The following KIF21B variants were observed in gnomAD, a reference collection of about 807,000 sequenced individuals.
The protein encoded by KIF21B is kinesin family member 21B.
KIF21B carries 85 observed loss-of-function variants against 192.9 expected under a neutral mutation model. The ratio of observed to expected loss-of-function variants is 0.44; its 90% CI spans 0.37 to 0.53. The LOEUF is 0.53. Among genes scored for constraint, KIF21B ranks in the 20% least tolerant of loss-of-function variants. The pLI, the probability that KIF21B is intolerant of heterozygous loss-of-function variation, is 0.00. For missense variants in KIF21B, 1,716 were observed against 2,194.8 expected (o/e 0.78, Z 4.36); for synonymous variants, 832 against 884.6 (o/e 0.94, Z 1.05).
At chr1:201,020,581 C>T (rs1658760828) in intron 1 of KIF21B, among the ~76,000 whole-genome samples, 1 of 152,170 alleles carries the variant, frequency 6.6e-6, no homozygotes, top group African/African-American at 2.4e-5. Context: ...GCTGGGGAGG[C>T]CACAAGGTGG....
intron 1 of KIF21B, among the ~76,000 whole-genome samples, chr1:201,019,444 G>GCAAT (rs554557730): frequency 2.0e-3 from 309 of 152,214 alleles, no homozygotes; most frequent in Non-Finnish European, 3.7e-3. Context: ...CCATGACGAA[G>GCAAT]CCAGTGGATG....
intron 15 of KIF21B, among the ~76,000 whole-genome samples, chr1:200,994,052 G>A (rs1408732218): frequency 6.6e-6 from 1 of 152,154 alleles, no homozygotes; most frequent in African/African-American, 2.4e-5. Flanking sequence ...TGTCTTCCGG[G>A]GTCAGGGGCT....
chr1:200,988,494 T>G lies in KIF21B; in HGVS notation c.3349A>C (p.Ser1117Arg), dbSNP rs765567729. Residue 1117 changes from serine (S) to arginine (R), a missense_variant and splice_region_variant, in exon 23 of 35, where the codon AGC becomes CGC. Coordinates refer to ENST00000461742, the MANE Select transcript of KIF21B (RefSeq NM_001252102.2). Reference sequence around the variant, plus strand: ...CTCACTCCCAGCTTGCAAACTCACCTGCCCTCAGAGAACTCTGAGATCTCC... The same window carrying G: ...CTCACTCCCAGCTTGCAAACTCACCGGCCCTCAGAGAACTCTGAGATCTCC... ...DEEISEFSEG[S>R]FSQSFTMKGS... is the part of the protein sequence containing the mutation. The G allele has an allele frequency of 9.0e-6, 13 of 1,437,334 alleles. No homozygotes were observed. Among genetic ancestry groups the G allele is most frequent in the Non-Finnish European group, 1.2e-5 (13 of 1,061,152 alleles). The allele number at this position is 1,437,334 out of a possible 1,614,324, so 89.0% of individuals were successfully genotyped here. A position where few individuals can be genotyped will look rare whatever the true frequency, so the allele number is the denominator to read the frequency against.
intron 23 of KIF21B, 45 bp from the exon 24 acceptor site, chr1:200,988,398 A>C: frequency 6.2e-7 from 1 of 1,612,538 alleles, no homozygotes; most frequent in Non-Finnish European, 8.5e-7. Context: ...GGAGCCCCCA[A>C]ATTCAGGCTC....
At chr1:201,005,809 C>G in intron 3 of KIF21B, 115 bp from the exon 4 acceptor site, 1 of 1,160,140 alleles carries the variant, frequency 8.6e-7, no homozygotes, top group South Asian at 1.4e-5. Context: ...GCTGTGGGTC[C>G]CCTCTGGGTT....
chr1:200,999,340 C>CCCA lies in KIF21B; in HGVS notation c.1885+6_1885+8dup. The CCCA allele has an allele frequency of 6.2e-7, 1 of 1,614,096 alleles. No individual in the cohort carries two copies. The highest frequency in any genetic ancestry group is 1.1e-5 in the South Asian group (1 of 91,088). ...CATCCCCCACAGCCCACAGCTCAGG[C>CCCA]CCACGCACCCTTCTCCTCGGGGTCT... On this transcript the variant is annotated intron_variant, in intron 13 of 34. Transcript: ENST00000461742. This position sits in a 1 kb window ranked among gnomAD's most constrained non-coding sequence, Gnocchi z 4.7.
At chr1:201,018,571 GCTAA>G (rs1658645759) in intron 1 of KIF21B, among the ~76,000 whole-genome samples, 2 of 152,238 alleles carry the variant, frequency 1.3e-5, no homozygotes, top group Admixed American at 1.3e-4. Context: ...CAAGAACACA[GCTAA>G]TTAGCACCTC....
At chr1:201,018,201 G>T (rs1658612850) in intron 1 of KIF21B, among the ~76,000 whole-genome samples, 1 of 152,228 alleles carries the variant, frequency 6.6e-6, no homozygotes, top group African/African-American at 2.4e-5. Flanking sequence ...TGTGTGTGAG[G>T]TGGGGGGCCA....
At chr1:201,007,251 GACAC>G (rs1198027984) in intron 3 of KIF21B, among the ~76,000 whole-genome samples, 1 of 23,412 alleles carries the variant, frequency 4.3e-5, no homozygotes, top group Non-Finnish European at 7.6e-5. Flanking sequence ...CACAGAGACA[GACAC>G]ACACAGACAC....
chr1:201,005,361 C>G lies in KIF21B; in HGVS notation c.679G>C (p.Ala227Pro). 1 of 1,612,740 alleles carries G rather than the reference C, an allele frequency of 6.2e-7. No homozygotes were observed. Among genetic ancestry groups the G allele is most frequent in the Non-Finnish European group, 8.5e-7 (1 of 1,179,514 alleles). ...QMNVQSSRSH[A>P]IFTIHLCQMR... ...TGGCACAGGTGGATGGTGAAGATGGCGTGGGAGCGTGAGCTCTGCACGTTC... is the reference window on the plus strand; with the variant it reads ...TGGCACAGGTGGATGGTGAAGATGGGGTGGGAGCGTGAGCTCTGCACGTTC... Residue 227 changes from alanine to proline, a missense_variant, in exon 5 of 35, where the codon GCC becomes CCC. Ala to Pro is a conservative substitution (Grantham distance 27). This residue lies in a region of KIF21B where 1,087 missense variants were observed against 1,316.6 expected (regional missense o/e 0.83). Transcript: ENST00000461742.
At chr1:201,001,955 G>T (rs1390342198) in intron 9 of KIF21B, 1 of 592,730 alleles carries the variant, frequency 1.7e-6, no homozygotes, top group African/African-American at 1.9e-5. Context: ...GTGATGTATT[G>T]TTTGCATGTT....
In KIF21B at chr1:200,999,497, G is replaced by C. The variant is rs1259077558; in HGVS notation, c.1768-31C>G. The stretch of plus-strand genomic sequence containing the variant: ...CACCAGGCACCATTGGGGTGGGCCT[G>C]GCCTCAGAGAGGGGAGCCCAGAAGC... On this transcript the variant is annotated intron_variant, in intron 12 of 34. Transcript: ENST00000461742. This position sits in a 1 kb window ranked among gnomAD's most constrained non-coding sequence, Gnocchi z 4.7. 2 of 1,607,258 alleles carry C rather than the reference G, an allele frequency of 1.2e-6. No homozygotes were observed. Among genetic ancestry groups the C allele is most frequent in the Admixed American group, 1.7e-5 (1 of 59,656 alleles).
chr1:200,976,438 T>A (rs1423617788), intron 32 of KIF21B, among the ~76,000 whole-genome samples: 1 of 152,230 alleles, frequency 6.6e-6, no homozygotes, highest in South Asian at 2.1e-4. Context: ...TTCAATGGCA[T>A]AATCAGAGAG....
rs755531305 is a variant in KIF21B, at chr1:201,005,333, A to C, written c.707T>G (p.Met236Arg). ...CAGGTCGGGCTGGGTGCACATGCGC[A>C]TCTGGCACAGGTGGATGGTGAAGAT... ...HAIFTIHLCQ[M>R]RMCTQPDLVN... Residue 236 changes from methionine to arginine, a missense_variant, in exon 5 of 35, where the codon ATG becomes AGG. Transcript: ENST00000461742. The C allele has an allele frequency of 2.5e-6, 4 of 1,610,096 alleles. No homozygotes were observed. Among genetic ancestry groups the C allele is most frequent in the Non-Finnish European group, 3.4e-6 (4 of 1,178,276 alleles).
At chr1:200,987,874 G>C (rs1430815985) in intron 24 of KIF21B, among the ~76,000 whole-genome samples, 1 of 152,168 alleles carries the variant, frequency 6.6e-6, no homozygotes. Flanking sequence ...CTCATTATTA[G>C]GTAAACTTCC....
At chr1:200,976,586 TC>T (rs1182256003) in intron 32 of KIF21B, among the ~76,000 whole-genome samples, 189 bp downstream of exon 32, 1 of 152,254 alleles carries the variant, frequency 6.6e-6, no homozygotes, top group African/African-American at 2.4e-5. Flanking sequence ...TATGAATTTT[TC>T]ACCAGTTACA....
chr1:201,003,915 C>T (rs1300959186), intron 7 of KIF21B, 134 bp from the exon 8 acceptor site: 6 of 885,464 alleles, frequency 6.8e-6, no homozygotes, highest in Middle Eastern at 3.2e-4. Context: ...GCATTCAGGA[C>T]AGAACCTGGG....
At position 201,005,345 on chromosome 1, in the gene KIF21B, T is replaced by C; in HGVS notation, c.695A>G (p.His232Arg). ...GGTGCACATGCGCATCTGGCACAGG[T>C]GGATGGTGAAGATGGCGTGGGAGCG... The part of the protein sequence containing the change: ...SSRSHAIFTI[H>R]LCQMRMCTQP... The change falls in exon 5 of 35, where the codon CAC (histidine) becomes CGC (arginine). Residue 232 changes from histidine (H) to arginine (R), a missense_variant. By Grantham distance (29) the His-to-Arg change is conservative (BLOSUM62 0). Around this residue, in one of 3 missense-constraint regions of KIF21B, gnomAD observed 1,087 missense variants for 1,316.6 expected, o/e 0.83. Coordinates refer to ENST00000461742, the MANE Select transcript of KIF21B (RefSeq NM_001252102.2). 1 of 1,611,732 alleles carries C rather than the reference T, an allele frequency of 6.2e-7. No homozygotes were observed. The highest frequency in any genetic ancestry group is 8.5e-7 in the Non-Finnish European group (1 of 1,179,072).
rs1345788470 is a variant in KIF21B at position 201,000,990 on chromosome 1, C to A, written c.1403-210G>T. ...GGCGTGGTGGCGCATGCCTCTAATC[C>A]CAGCTACTCGGGACGCTGAGGCAGG... On this transcript the variant is annotated intron_variant, in intron 9 of 34. Transcript: ENST00000461742. The surrounding 1 kb of genome is among the most constrained non-coding windows in gnomAD (Gnocchi z 6.0). Among the ~76,000 whole-genome samples the A allele has an allele frequency of 6.6e-6, 1 of 151,970 alleles. No homozygotes were observed. Among genetic ancestry groups the A allele is most frequent in the Non-Finnish European group, 1.5e-5 (1 of 67,994 alleles).
Sources: gnomAD v4.1 joint callset for allele counts (sites outside exome capture counted in the v4.1 genomes callset) on GRCh38, gnomAD v4.1.1 for gene constraint, gnomAD v4.1.1 regional missense constraint, Gnocchi (gnomAD v3.1) non-coding constraint, MANE v1.5 for transcripts, NCBI Gene and HGNC (gene_info 2026-07-23, HGNC 2026-07-21) for gene names.